Variants in SLC39A11 observed in about 807,000 individuals in gnomAD.
SLC39A11 encodes the protein solute carrier family 39 member 11.
A neutral mutation model predicts 36.1 loss-of-function variants in SLC39A11; 33 were observed. That is an observed-to-expected ratio of 0.91 (90% confidence interval 0.69 to 1.22). SLC39A11 has a LOEUF of 1.22. Among genes scored for constraint, SLC39A11 ranks in the 50% most tolerant of loss-of-function variants. SLC39A11 has a pLI of 0.00. For synonymous variants in SLC39A11, 166 were observed against 170.3 expected (o/e 0.97, Z 0.20); for missense variants, 432 against 430.3 (o/e 1.00, Z -0.03).
chr17:73,042,683 C>T (rs1418798400), intron 3 of SLC39A11, among the ~76,000 whole-genome samples: 1 of 152,148 alleles, frequency 6.6e-6, no homozygotes, highest in Non-Finnish European at 1.5e-5. Context: ...CACCTGTAAT[C>T]TCAGCTACTT....
In SLC39A11 at chr17:73,005,435, T is replaced by C. The variant is rs1304500070; in HGVS notation, c.306+26121A>G. On this transcript the variant is annotated intron_variant, in intron 4 of 9. Transcript: ENST00000255559. ...GCCTGACTGTGTGTCTGATACTCTC[T>C]GCGTGTTATTTTATTTAACCCTCAT... Among the ~76,000 whole-genome samples, 7 of 152,252 alleles carry C rather than the reference T, an allele frequency of 4.6e-5. No individual in the cohort carries two copies. The South Asian group carries it at 8.3e-4, about 18-fold the overall frequency.
chr17:73,019,391 G>A (rs2058269532), intron 4 of SLC39A11, among the ~76,000 whole-genome samples: 1 of 152,120 alleles, frequency 6.6e-6, no homozygotes, highest in Non-Finnish European at 1.5e-5. Flanking sequence ...GACATGTGAA[G>A]AAATAAAATG....
intron 6 of SLC39A11, among the ~76,000 whole-genome samples, chr17:72,826,350 G>T (rs2078027647): frequency 1.3e-5 from 2 of 152,152 alleles, no homozygotes; most frequent in South Asian, 4.1e-4. Flanking sequence ...TTCCTGTACA[G>T]CCTGTGGAAC....
At chr17:73,035,776 A>C (rs1433715217) in intron 3 of SLC39A11, among the ~76,000 whole-genome samples, 1 of 149,704 alleles carries the variant, frequency 6.7e-6, no homozygotes, top group Admixed American at 6.8e-5. Flanking sequence ...AGACCAGAGA[A>C]TCACTTGAAC....
chr17:72,913,830 C>T (rs1459105989), intron 5 of SLC39A11, among the ~76,000 whole-genome samples: 1 of 152,074 alleles, frequency 6.6e-6, no homozygotes, highest in Non-Finnish European at 1.5e-5. Flanking sequence ...ATCTTCTGTT[C>T]TATATTCTTC....
intron 4 of SLC39A11, among the ~76,000 whole-genome samples, chr17:73,000,950 G>A (rs891805413): frequency 6.6e-6 from 1 of 152,150 alleles, no homozygotes; most frequent in Admixed American, 6.5e-5. Flanking sequence ...CCCCAGAAAT[G>A]CTTCTTCACT....
At chr17:72,936,887 C>T (rs2084806644) in intron 5 of SLC39A11, among the ~76,000 whole-genome samples, 1 of 152,182 alleles carries the variant, frequency 6.6e-6, no homozygotes, top group Non-Finnish European at 1.5e-5. Context: ...GAATCTAATG[C>T]TGCTGTTGAT....
At chr17:72,988,270 T>C (rs572514930) in intron 4 of SLC39A11, among the ~76,000 whole-genome samples, 1 of 152,260 alleles carries the variant, frequency 6.6e-6, no homozygotes, top group East Asian at 1.9e-4. Flanking sequence ...CCGGCCAACA[T>C]GGTGAAATCC....
At chr17:72,846,018 CTTTTTTTTTTTTTTTT>C (rs569100122) in intron 6 of SLC39A11, among the ~76,000 whole-genome samples, 1 of 57,950 alleles carries the variant, frequency 1.7e-5, no homozygotes, top group African/African-American at 8.5e-5. Flanking sequence ...CTCTCTCTCT[CTTTTTTTTTTTTTTTT>C]TTTTTTTTTT....
At chr17:72,910,109 A>C (rs1357512811) in intron 5 of SLC39A11, among the ~76,000 whole-genome samples, 1 of 151,926 alleles carries the variant, frequency 6.6e-6, no homozygotes, top group African/African-American at 2.4e-5. Context: ...AGATCTCCTC[A>C]ATTCTATCAC....
intron 5 of SLC39A11, among the ~76,000 whole-genome samples, chr17:72,882,024 G>A: frequency 6.6e-6 from 1 of 152,162 alleles, no homozygotes; most frequent in Non-Finnish European, 1.5e-5. Flanking sequence ...GAGCACTCCA[G>A]AATATGACAT....
At chr17:72,849,471 G>T in intron 6 of SLC39A11, 163 bp downstream of exon 6, 2 of 613,076 alleles carry the variant, frequency 3.3e-6, no homozygotes, top group Non-Finnish European at 5.1e-6. Flanking sequence ...TATCTATGAC[G>T]ATCAAAAAAT....
intron 7 of SLC39A11, among the ~76,000 whole-genome samples, chr17:72,716,535 C>T (rs918910244): frequency 6.6e-6 from 1 of 151,198 alleles, no homozygotes; most frequent in African/African-American, 2.4e-5. Context: ...CGCTCTTCTC[C>T]AAGTTGGTCC....
chr17:72,872,217 T>C (rs2080670369), intron 5 of SLC39A11, among the ~76,000 whole-genome samples: 1 of 152,084 alleles, frequency 6.6e-6, no homozygotes, highest in Non-Finnish European at 1.5e-5. Context: ...AAGACCCACA[T>C]CCCTGGATTT....
intron 7 of SLC39A11, among the ~76,000 whole-genome samples, chr17:72,686,856 C>G (rs1191055247): frequency 6.6e-6 from 1 of 152,216 alleles, no homozygotes; most frequent in Non-Finnish European, 1.5e-5. Context: ...TTTAATCCAT[C>G]CCTCTGCCAC....
chr17:72,874,372 G>A (rs4293443), intron 5 of SLC39A11, among the ~76,000 whole-genome samples: 50,477 of 151,838 alleles, frequency 0.33, 8,881 homozygotes, highest in East Asian at 0.71. Context: ...CTCCCACCCC[G>A]GACATGCAGT....
chr17:72,902,660 A>G (rs1013242728), intron 5 of SLC39A11, among the ~76,000 whole-genome samples: 1 of 152,256 alleles, frequency 6.6e-6, no homozygotes, highest in Non-Finnish European at 1.5e-5. Context: ...AAGAGCAAAT[A>G]TCTATAGATA....
chr17:72,855,893 T>C (rs553468844), intron 5 of SLC39A11, among the ~76,000 whole-genome samples: 6 of 149,554 alleles, frequency 4.0e-5, no homozygotes, highest in Non-Finnish European at 8.9e-5. Context: ...CGAGAATCCG[T>C]CTCAAAAAAA....
intron 5 of SLC39A11, among the ~76,000 whole-genome samples, chr17:72,907,028 GA>G (rs2147041291): frequency 6.6e-6 from 1 of 152,342 alleles, no homozygotes; most frequent in East Asian, 1.9e-4. Context: ...CCAGAAGAAG[GA>G]AAATGGGCTG....
Sources: allele counts gnomAD v4.1 joint callset (sites outside exome capture counted in the v4.1 genomes callset), GRCh38; gene constraint gnomAD v4.1.1; transcripts MANE v1.5; gene names NCBI Gene and HGNC (gene_info 2026-07-23, HGNC 2026-07-21).